RPH3AL: variants seen among roughly 807,000 people sequenced by gnomAD.
RPH3AL encodes rab effector Noc2.
A neutral mutation model predicts 43.1 loss-of-function variants in RPH3AL; 38 were observed. The observed-to-expected ratio is 0.88, with a 90% confidence interval of 0.68 to 1.15. The LOEUF (loss-of-function observed/expected upper bound fraction) is 1.15. Ranked by LOEUF, RPH3AL falls within the 50% of genes most tolerant of loss-of-function variation. The probability of loss-of-function intolerance (pLI) is 0.00; values close to 1 mark genes in which losing one functional copy is unlikely to be tolerated. For synonymous variants in RPH3AL, 189 were observed against 176.3 expected (o/e 1.07, Z -0.57); for missense variants, 462 against 423.2 (o/e 1.09, Z -0.81).
intron 6 of RPH3AL, among the ~76,000 whole-genome samples, chr17:268,963 C>A (rs2042390433): frequency 6.6e-6 from 1 of 152,170 alleles, no homozygotes; most frequent in Admixed American, 6.5e-5. Context: ...ACCGCAAGCT[C>A]TGCCTCCCGG....
At chr17:247,687 G>A (rs1028734117) in intron 6 of RPH3AL, 1 of 185,284 alleles carries the variant, frequency 5.4e-6, no homozygotes. Flanking sequence ...CTCTCTTGCA[G>A]AGCAGGGATC....
chr17:269,450 C>A (rs2042409639), intron 6 of RPH3AL, among the ~76,000 whole-genome samples: 1 of 152,222 alleles, frequency 6.6e-6, no homozygotes, highest in Non-Finnish European at 1.5e-5. Context: ...TGCTGTTTTC[C>A]AAGGGCCTCG....
intron 7 of RPH3AL, among the ~76,000 whole-genome samples, chr17:223,751 T>G (rs1181966164): frequency 6.6e-6 from 1 of 152,148 alleles, no homozygotes; most frequent in South Asian, 2.1e-4. Context: ...GGAAAAGCCT[T>G]CATGGCTCCA....
intron 6 of RPH3AL, among the ~76,000 whole-genome samples, chr17:258,768 T>G (rs1265659051): frequency 2.1e-3 from 314 of 150,358 alleles, no homozygotes; most frequent in African/African-American, 7.3e-3. Flanking sequence ...TTTTTTTTTT[T>G]TTTTTTTTTT....
In RPH3AL at chr17:274,096, G is replaced by C. The variant is rs558700975; in HGVS notation, c.438+7672C>G. ...ATTCTTCGTTTTCGTTTAGTGGATA[G>C]GGATTCGAGGCTAAACAGTAAATGA... On this transcript the variant is annotated intron_variant, in intron 6 of 9. Transcript: ENST00000331302. The surrounding 1 kb of genome is among the most constrained non-coding windows in gnomAD (Gnocchi z 4.7). 1.9e-4 allele frequency among the ~76,000 whole-genome samples: 29 copies of C among 152,344 alleles called. No homozygotes were observed. The highest frequency in any genetic ancestry group is 7.0e-4 in the African/African-American group (29 of 41,570).
At chr17:301,952 T>C (rs1323016351) in intron 5 of RPH3AL, among the ~76,000 whole-genome samples, 3 of 152,192 alleles carry the variant, frequency 2.0e-5, no homozygotes, top group Admixed American at 2.0e-4. Context: ...CATGACATCA[T>C]GGAAATGTCA....
At chr17:281,944 G>T in intron 5 of RPH3AL, 90 bp from the exon 6 acceptor site, 1 of 943,764 alleles carries the variant, frequency 1.1e-6, no homozygotes, top group Non-Finnish European at 1.7e-6. Flanking sequence ...GGGACACTTA[G>T]CATCTTCCAA....
At chr17:229,504 A>G (rs1193078534) in intron 7 of RPH3AL, among the ~76,000 whole-genome samples, 1 of 152,144 alleles carries the variant, frequency 6.6e-6, no homozygotes, top group Non-Finnish European at 1.5e-5. Flanking sequence ...TCCCCCAAAG[A>G]GCTGGGGTTT....
rs77065882 is a variant in RPH3AL at position 260,915 on chromosome 17, T to G, written c.439-13630A>C. Among the ~76,000 whole-genome samples the G allele has an allele frequency of 2.6e-4, 39 of 152,284 alleles. 1 individual carries two copies. In the East Asian group the frequency reaches 7.5e-3, roughly 29 times the overall value. On this transcript the variant is annotated intron_variant, in intron 6 of 9. Coordinates refer to ENST00000331302, the MANE Select transcript of RPH3AL (RefSeq NM_006987.4). ...TTCCTTCTCCCTTCCCTGGACTAGC[T>G]CGTCTCCAGCCTTTGGGAAATCACT...
intron 7 of RPH3AL, among the ~76,000 whole-genome samples, chr17:241,100 T>C (rs1270080254): frequency 9.5e-6 from 1 of 104,784 alleles, no homozygotes; most frequent in African/African-American, 3.6e-5. Context: ...ATAATAATAA[T>C]CTTGTTGGCC....
intron 6 of RPH3AL, among the ~76,000 whole-genome samples, chr17:249,314 G>A (rs2151548142): frequency 6.6e-6 from 1 of 152,178 alleles, no homozygotes; most frequent in Middle Eastern, 3.4e-3. Flanking sequence ...CCAGCATCTG[G>A]TGTGATTTGG....
Position 239,695 on chromosome 17 carries a change from C to G in RPH3AL, c.613+7416G>C, listed in dbSNP as rs1001529959. 4.6e-5 allele frequency among the ~76,000 whole-genome samples: 7 copies of G among 152,146 alleles called. No homozygotes were observed. The East Asian group carries it at 9.6e-4, about 21-fold the overall frequency. On this transcript the variant is annotated intron_variant, in intron 7 of 9. Transcript: ENST00000331302. ...AGGCTGGAGTGCAGTGGTGCAGTCT[C>G]AGCTTACTGCCGCTTCAAGCTCCTG...
intron 6 of RPH3AL, among the ~76,000 whole-genome samples, chr17:249,891 CCGT>C (rs1555541645): frequency 2.0e-5 from 3 of 150,664 alleles, no homozygotes; most frequent in Non-Finnish European, 4.4e-5. Context: ...TTACTAAGCT[CCGT>C]CACTGTGGGA....
rs887811322 is a variant in RPH3AL at position 246,327 on chromosome 17, T to C, written c.613+784A>G. Among the ~76,000 whole-genome samples, 5 of 152,034 alleles carry C rather than the reference T, an allele frequency of 3.3e-5. No homozygotes were observed. Among genetic ancestry groups the C allele is most frequent in the Admixed American group, 2.6e-4 (4 of 15,268 alleles). ...TCTAAGACCCTCAGACCCTGAGTAT[T>C]TGGCAGAAACGTGAGCACTTCAGAG... is the stretch of plus-strand genomic sequence containing the variant. On this transcript the variant is annotated intron_variant, in intron 7 of 9. Transcript: ENST00000331302. This position sits in a 1 kb window ranked among gnomAD's most constrained non-coding sequence, Gnocchi z 4.8.
At chr17:315,162 T>A (rs200712067) in intron 5 of RPH3AL, among the ~76,000 whole-genome samples, 13 of 120,628 alleles carry the variant, frequency 1.1e-4, no homozygotes, top group South Asian at 3.0e-4. Flanking sequence ...GTAGTCCCTG[T>A]GCCCCCACCT....
intron 1 of RPH3AL, among the ~76,000 whole-genome samples, chr17:345,081 C>A (rs2045211435): frequency 7.4e-6 from 1 of 134,644 alleles, no homozygotes; most frequent in African/African-American, 2.5e-5. Context: ...CCAGCCTGGG[C>A]AACATGGTGA....
intron 7 of RPH3AL, among the ~76,000 whole-genome samples, chr17:240,679 T>C (rs902198850): frequency 9.8e-5 from 15 of 152,344 alleles, no homozygotes; most frequent in African/African-American, 3.6e-4. Context: ...CCATATTTTA[T>C]CCATTCATCA....
intron 6 of RPH3AL, among the ~76,000 whole-genome samples, chr17:265,836 T>C (rs1383463187): frequency 8.3e-6 from 1 of 121,014 alleles, no homozygotes; most frequent in Non-Finnish European, 1.8e-5. Flanking sequence ...AGATCCACAG[T>C]GGGCTGTCTT....
rs79751182 is a variant in RPH3AL at position 227,931 on chromosome 17, G to A, written c.614-8195C>T. On this transcript the variant is annotated intron_variant, in intron 7 of 9. Transcript: ENST00000331302. ...TGATGATAAGGCCCCTGGGAGTGTAGACACTCCCAATTAGCCGTCTCCAGC... is the reference window on the plus strand; with the variant it reads ...TGATGATAAGGCCCCTGGGAGTGTAAACACTCCCAATTAGCCGTCTCCAGC... Among the ~76,000 whole-genome samples, 430 of 152,340 alleles carry A rather than the reference G, an allele frequency of 2.8e-3. 2 individuals are homozygous for A. Among genetic ancestry groups the A allele is most frequent in the African/African-American group, 9.8e-3 (408 of 41,580 alleles).
Sources: allele counts gnomAD v4.1 joint callset (sites outside exome capture counted in the v4.1 genomes callset), GRCh38; gene constraint gnomAD v4.1.1; non-coding constraint Gnocchi (gnomAD v3.1); transcripts MANE v1.5; gene names NCBI Gene and HGNC (gene_info 2026-07-23, HGNC 2026-07-21).